MEX3D: variants seen among roughly 807,000 people sequenced by gnomAD.
MEX3D encodes RNA-binding protein MEX3D.
Under a neutral mutation model 6.3 loss-of-function variants are expected in MEX3D, and 4 were observed. That is an observed-to-expected ratio of 0.64 (90% CI 0.31 to 1.46). MEX3D has a LOEUF of 1.46. Among genes scored for constraint, MEX3D ranks in the 40% most tolerant of loss-of-function variants. The pLI, the probability that MEX3D is intolerant of heterozygous loss-of-function variation, is 0.07. For missense variants in MEX3D, 1,038 were observed against 994.4 expected (o/e 1.04, Z -0.59); for synonymous variants, 626 against 494.1 (o/e 1.27, Z -3.54).
chr19:1,555,298 C>T lies in MEX3D; in HGVS notation c.*265G>A, dbSNP rs1218244931. The T allele has an allele frequency of 6.3e-7, 1 of 1,576,606 alleles. No individual in the cohort carries two copies. The highest frequency in any genetic ancestry group is 8.6e-7 in the Non-Finnish European group (1 of 1,156,864). ...GAAAACTAAAAAAAGTGCAAGCGGA[C>T]CTTTTCTCTCCGGTTTATTGTAACC... On this transcript the variant is annotated 3_prime_UTR_variant, in exon 2 of 2. Coordinates refer to ENST00000402693, the MANE Select transcript of MEX3D (RefSeq NM_203304.4).
rs1555697278 is a variant in MEX3D at position 1,555,294 on chromosome 19, C to CGGA, written c.*266_*268dup. On this transcript the variant is annotated 3_prime_UTR_variant, in exon 2 of 2. Transcript: ENST00000402693. ...ATAAGAAAACTAAAAAAAGTGCAAG[C>CGGA]GGACCTTTTCTCTCCGGTTTATTGT... The CGGA allele has an allele frequency of 6.4e-7, 1 of 1,567,094 alleles. No homozygotes were observed. The highest frequency in any genetic ancestry group is 1.4e-5 in the African/African-American group (1 of 73,170).
At chr19:1,561,226 A>G (rs180951342) in intron 1 of MEX3D, among the ~76,000 whole-genome samples, 2 of 152,304 alleles carry the variant, frequency 1.3e-5, no homozygotes, top group African/African-American at 4.8e-5. Flanking sequence ...CGACTTACCA[A>G]TGAAACCACA....
At chr19:1,559,452 G>A (rs945164338) in intron 1 of MEX3D, among the ~76,000 whole-genome samples, 3 of 151,936 alleles carry the variant, frequency 2.0e-5, no homozygotes, top group African/African-American at 7.3e-5. Flanking sequence ...TTTTAGTAGA[G>A]ATGGGATCTC....
intron 1 of MEX3D, among the ~76,000 whole-genome samples, chr19:1,558,179 G>T (rs1914626307): frequency 6.6e-6 from 1 of 151,586 alleles, no homozygotes. Flanking sequence ...GGGCAACACA[G>T]CAGGACCCCA....
chr19:1,555,500 C>T lies in MEX3D; in HGVS notation c.*63G>A. 1 of 1,514,668 alleles carries T rather than the reference C, an allele frequency of 6.6e-7. No individual in the cohort carries two copies. Among genetic ancestry groups the T allele is most frequent in the Non-Finnish European group, 8.9e-7 (1 of 1,128,590 alleles). The allele number at this position is 1,514,668 out of a possible 1,614,324, so 93.8% of individuals were successfully genotyped here. ...CGTCCCTCTCCCACCCCGGGTCCCG[C>T]CCCGTCTCCCGCGCCCACCCCTGGC... is the stretch of plus-strand genomic sequence containing the variant. On this transcript the variant is annotated 3_prime_UTR_variant, in exon 2 of 2. Coordinates refer to ENST00000402693, the MANE Select transcript of MEX3D (RefSeq NM_203304.4).
Position 1,556,196 on chromosome 19 carries a change from G to A in MEX3D, c.1323C>T (p.Ala441=). Residue 441 remains alanine, a synonymous_variant, in exon 2 of 2, where the codon GCC becomes GCT. Coordinates refer to ENST00000402693, the MANE Select transcript of MEX3D (RefSeq NM_203304.4). The surrounding 1 kb of genome is among the most constrained non-coding windows in gnomAD (Gnocchi z 7.5). Reference sequence around the variant, plus strand: ...CGTCGGGGGCGGCCGTCCCCACCGGGGCACCGGGACCCTCCGCGCCGAAGG... The same window carrying A: ...CGTCGGGGGCGGCCGTCCCCACCGGAGCACCGGGACCCTCCGCGCCGAAGG... ...GFAFGAEGPG[A]PVGTAAPDDC... The A allele has an allele frequency of 1.4e-6, 2 of 1,451,022 alleles. No homozygotes were observed. The highest frequency in any genetic ancestry group is 1.8e-6 in the Non-Finnish European group (2 of 1,101,742). The allele number at this position is 1,451,022 out of a possible 1,614,324, so 89.9% of individuals were successfully genotyped here.
At chr19:1,563,891 T>A (rs1914777704) in intron 1 of MEX3D, among the ~76,000 whole-genome samples, 1 of 152,102 alleles carries the variant, frequency 6.6e-6, no homozygotes, top group African/African-American at 2.4e-5. Context: ...CACTGCAGCC[T>A]CGACCGCCCA....
Position 1,556,416 on chromosome 19 carries a change from G to T in MEX3D, c.1103C>A (p.Ala368Glu). ...GTDVCLDLLG[A>E]AASLWAKTPN... ...GGTCTTGGCCCAGAGGCTGGCGGCC[G>T]CCCCGAGCAGGTCCAGGCAGACGTC... is the stretch of plus-strand genomic sequence containing the variant. Residue 368 changes from alanine (A) to glutamate (E), a missense_variant, in exon 2 of 2, where the codon GCG (alanine) becomes GAG (glutamate). Transcript: ENST00000402693. The surrounding 1 kb of genome is among the most constrained non-coding windows in gnomAD (Gnocchi z 7.5). 1 of 1,583,724 alleles carries T rather than the reference G, an allele frequency of 6.3e-7. No homozygotes were observed.
At position 1,568,044 on chromosome 19, in the gene MEX3D, G is replaced by A; in HGVS notation, c.15C>T (p.Leu5=). The A allele has an allele frequency of 1.7e-5, 17 of 977,818 alleles. No individual in the cohort carries two copies. The highest frequency in any genetic ancestry group is 2.1e-5 in the Non-Finnish European group (17 of 827,614). The allele number at this position is 977,818 out of a possible 1,614,324, so 60.6% of individuals were successfully genotyped here. MPSS[L]GQPDGGGGGG... Reference sequence around the variant, plus strand: ...CGCCCCCGCCGCCGTCGGGCTGGCCGAGCGAGCTGGGCATGGCGGGAGCTA... The same window carrying A: ...CGCCCCCGCCGCCGTCGGGCTGGCCAAGCGAGCTGGGCATGGCGGGAGCTA... The change falls in exon 1 of 2, where the codon CTC becomes CTT. Residue 5 remains leucine (L), a synonymous_variant. Coordinates refer to ENST00000402693, the MANE Select transcript of MEX3D (RefSeq NM_203304.4).
chr19:1,562,777 G>C (rs1195588828), intron 1 of MEX3D, among the ~76,000 whole-genome samples: 1 of 152,128 alleles, frequency 6.6e-6, no homozygotes. Context: ...CACTTTGGGA[G>C]GTGGAGGCAG....
chr19:1,557,564 T>TAAAA (rs541363387), intron 1 of MEX3D, among the ~76,000 whole-genome samples: 1 of 110,822 alleles, frequency 9.0e-6, no homozygotes. Flanking sequence ...AGACTCCAAC[T>TAAAA]AAAAAAAAAA....
chr19:1,556,983 G>C lies in MEX3D; in HGVS notation c.596-60C>G, dbSNP rs559974756. On this transcript the variant is annotated intron_variant, in intron 1 of 1. Coordinates refer to ENST00000402693, the MANE Select transcript of MEX3D (RefSeq NM_203304.4). The surrounding 1 kb of genome is among the most constrained non-coding windows in gnomAD (Gnocchi z 7.5). Reference sequence around the variant, plus strand: ...AGAGCCCCCTGCGCAGCTCAGCCCCGCTGGGCATGCAGGCTGCAGGGCCAG... The same window carrying C: ...AGAGCCCCCTGCGCAGCTCAGCCCCCCTGGGCATGCAGGCTGCAGGGCCAG... 1 of 1,518,150 alleles carries C rather than the reference G, an allele frequency of 6.6e-7. No individual in the cohort carries two copies. Among genetic ancestry groups the C allele is most frequent in the Non-Finnish European group, 8.8e-7 (1 of 1,139,346 alleles). The allele number at this position is 1,518,150 out of a possible 1,614,324, so 94.0% of individuals were successfully genotyped here. A position where few individuals can be genotyped will look rare whatever the true frequency, so the allele number is the denominator to read the frequency against.
Position 1,567,536 on chromosome 19 carries a change from T to C in MEX3D, c.523A>G (p.Lys175Glu). The C allele has an allele frequency of 6.4e-7, 1 of 1,561,854 alleles. No individual in the cohort carries two copies. Among genetic ancestry groups the C allele is most frequent in the South Asian group, 1.2e-5 (1 of 86,370 alleles). The change falls in exon 1 of 2, where the codon AAA becomes GAA. Residue 175 changes from lysine to glutamate, a missense_variant. Transcript: ENST00000402693. This position sits in a 1 kb window ranked among gnomAD's most constrained non-coding sequence, Gnocchi z 6.5. ...DQMSVIGSRK[K>E]SVNMTECVPV... is the part of the protein sequence containing the mutation. The stretch of plus-strand genomic sequence containing the variant: ...ACGCACTCGGTCATGTTGACGCTTT[T>C]CTTGCGGCTGCCGATCACGCTCATC...
chr19:1,560,483 C>T (rs1012539733), intron 1 of MEX3D, among the ~76,000 whole-genome samples: 4 of 152,314 alleles, frequency 2.6e-5, no homozygotes, highest in Admixed American at 6.5e-5. Flanking sequence ...GGAGCCGCCC[C>T]GGGTCCCCAG....
chr19:1,562,296 C>T (rs1331518015), intron 1 of MEX3D, among the ~76,000 whole-genome samples: 2 of 143,714 alleles, frequency 1.4e-5, no homozygotes, highest in African/African-American at 5.2e-5. Flanking sequence ...GTGGACCGGG[C>T]ACAGTGGATC....
chr19:1,556,589 G>T lies in MEX3D; in HGVS notation c.930C>A (p.Pro310=), dbSNP rs764895637. 1 of 1,609,240 alleles carries T rather than the reference G, an allele frequency of 6.2e-7. No individual in the cohort carries two copies. The highest frequency in any genetic ancestry group is 1.7e-5 in the Admixed American group (1 of 59,900). The change falls in exon 2 of 2, where the codon CCC becomes CCA. Residue 310 remains proline (P), a synonymous_variant. Transcript: ENST00000402693. This position sits in a 1 kb window ranked among gnomAD's most constrained non-coding sequence, Gnocchi z 7.5. The stretch of plus-strand genomic sequence containing the variant: ...CGAACACCGGCTCCTTGTCGCGCCC[G>T]GGCGTCACGATGTAGGTGTGCGTCC... ...QQRTHTYIVT[P]GRDKEPVFAV...
At chr19:1,561,493 G>A (rs1299906948) in intron 1 of MEX3D, among the ~76,000 whole-genome samples, 1 of 152,208 alleles carries the variant, frequency 6.6e-6, no homozygotes, top group East Asian at 1.9e-4. Context: ...TGAGGGGTCT[G>A]GTGGGGAGGA....
chr19:1,562,004 G>A (rs1370245011), intron 1 of MEX3D, among the ~76,000 whole-genome samples: 3 of 150,046 alleles, frequency 2.0e-5, no homozygotes, highest in African/African-American at 4.9e-5. Flanking sequence ...GCTCACACCT[G>A]TAATCCCAGC....
intron 1 of MEX3D, among the ~76,000 whole-genome samples, chr19:1,564,815 G>A (rs2145576765): frequency 6.6e-6 from 1 of 152,220 alleles, no homozygotes; most frequent in South Asian, 2.1e-4. Flanking sequence ...AGAGAAGCAT[G>A]AGAAGTTCAG....
Sources: gnomAD v4.1 joint callset for allele counts (sites outside exome capture counted in the v4.1 genomes callset) on GRCh38, gnomAD v4.1.1 for gene constraint, Gnocchi (gnomAD v3.1) non-coding constraint, MANE v1.5 for transcripts, NCBI Gene and HGNC (gene_info 2026-07-23, HGNC 2026-07-21) for gene names.